The following DYNC2I2 variants were observed in gnomAD, a reference collection of about 807,000 sequenced individuals.
DYNC2I2 encodes the protein cytoplasmic dynein 2 intermediate chain 2.
A neutral mutation model predicts 52.0 loss-of-function variants in DYNC2I2; 39 were observed. The observed-to-expected ratio is 0.75, with a 90% confidence interval of 0.58 to 0.98. The LOEUF is 0.98. DYNC2I2 is among the 50% of genes least tolerant of loss of function. The pLI is 0.00. For missense variants in DYNC2I2, 743 were observed against 728.4 expected (o/e 1.02, Z -0.23); for synonymous variants, 359 against 321.1 (o/e 1.12, Z -1.26).
In DYNC2I2 at chr9:128,640,680, C is replaced by A. The variant is rs202171371; in HGVS notation, c.435+11G>T. ...GGGCTCGACCCGAGGCTGCACCAGCCCATCCCCTACCATCTGCTGCTGCTC... is the reference window on the plus strand; with the variant it reads ...GGGCTCGACCCGAGGCTGCACCAGCACATCCCCTACCATCTGCTGCTGCTC... On this transcript the variant is annotated intron_variant, in intron 2 of 8. Transcript: ENST00000372715. 6.2e-7 allele frequency: 1 copy of A among 1,611,854 alleles called. No individual in the cohort carries two copies. Among genetic ancestry groups the A allele is most frequent in the Non-Finnish European group, 8.5e-7 (1 of 1,178,528 alleles).
At chr9:128,661,973 TGGA>T in the DYNC2I2 span, among the ~76,000 whole-genome samples, 4 of 146,456 alleles carry the variant, frequency 2.7e-5, no homozygotes, top group Non-Finnish European at 6.0e-5. Context: ...ACCTGGGAGG[TGGA>T]GGTTGCTGTG....
At chr9:128,635,410 G>A (rs576980124) in intron 5 of DYNC2I2, 151 bp from the exon 6 acceptor site, 2 of 996,018 alleles carry the variant, frequency 2.0e-6, no homozygotes, top group South Asian at 3.4e-5. Context: ...CAGGCCTGGA[G>A]GGTTCCCAGG....
chr9:128,679,719 T>C, the DYNC2I2 span, among the ~76,000 whole-genome samples: 3 of 150,756 alleles, frequency 2.0e-5, no homozygotes, highest in Non-Finnish European at 3.0e-5. Context: ...CGATCTCAGC[T>C]CACTGAGGCC....
At chr9:128,646,594 G>T (rs1475011016) in intron 1 of DYNC2I2, among the ~76,000 whole-genome samples, 1 of 152,222 alleles carries the variant, frequency 6.6e-6, no homozygotes, top group Non-Finnish European at 1.5e-5. Flanking sequence ...AAAGCTTCGA[G>T]AGACAGGCTG....
At chr9:128,643,831 G>T (rs1214186442) in intron 1 of DYNC2I2, among the ~76,000 whole-genome samples, 1 of 152,190 alleles carries the variant, frequency 6.6e-6, no homozygotes, top group Non-Finnish European at 1.5e-5. Flanking sequence ...GTTCTGTGGG[G>T]CCTGCTTTGG....
chr9:128,660,603 GC>G (rs537325106), upstream of DYNC2I2, among the ~76,000 whole-genome samples: 889 of 152,012 alleles, frequency 5.8e-3, 3 homozygotes, highest in Non-Finnish European at 0.01. Flanking sequence ...CACCATGTTA[GC>G]CAGGATGGTC....
rs151102131 is a variant in DYNC2I2 at position 128,636,429 on chromosome 9, A to G, written c.555T>C (p.His185=). 3.7e-5 allele frequency: 60 copies of G among 1,604,478 alleles called. No individual in the cohort carries two copies. Among genetic ancestry groups the G allele is most frequent in the Non-Finnish European group, 5.0e-5 (59 of 1,177,862 alleles). Residue 185 remains histidine, a synonymous_variant, in exon 4 of 9, where the codon CAT becomes CAC. Transcript: ENST00000372715. Reference sequence around the variant, plus strand: ...AGGACTTAAGCGTGCTCCAGTCCCCATGGTCCAGCCTGTGCAGGGACAGGC... The same window carrying G: ...AGGACTTAAGCGTGCTCCAGTCCCCGTGGTCCAGCCTGTGCAGGGACAGGC... ...VVACAYGRLD[H]GDWSTLKSFV... is the part of the protein sequence containing the mutation.
intron 1 of DYNC2I2, among the ~76,000 whole-genome samples, chr9:128,642,015 C>T (rs936890393): frequency 4.6e-5 from 7 of 151,872 alleles, no homozygotes; most frequent in Admixed American, 3.3e-4. Context: ...ATGCCGGGCA[C>T]GGTGGCTCAC....
chr9:128,647,610 C>T (rs887981794), intron 1 of DYNC2I2, among the ~76,000 whole-genome samples: 1 of 151,950 alleles, frequency 6.6e-6, no homozygotes, highest in African/African-American at 2.4e-5. Flanking sequence ...TGGCATGCAC[C>T]TGTAATCCCA....
intron 5 of DYNC2I2, 160 bp downstream of exon 5, chr9:128,635,498 G>T: frequency 1.3e-6 from 1 of 798,934 alleles, no homozygotes. Context: ...CAGGGCCCTG[G>T]GAGTGGCTCC....
rs771698294 is a variant in DYNC2I2, at chr9:128,636,984, T to C, written c.479A>G (p.Gln160Arg). Residue 160 changes from glutamine (Q) to arginine (R), a missense_variant, in exon 3 of 9, where the codon CAG (glutamine) becomes CGG (arginine). Gln to Arg is a conservative substitution (Grantham distance 43). Coordinates refer to ENST00000372715, the MANE Select transcript of DYNC2I2 (RefSeq NM_052844.4). The part of the protein sequence containing the change: ...YTLGYPPAQA[Q>R]GLHVTSISWN... ...GGAGATGCTGGTCACATGCAGACCC[T>C]GCGCTTGGGCTGGCGGGTAGCCCAG... 4.3e-6 allele frequency: 7 copies of C among 1,613,348 alleles called. No individual in the cohort carries two copies. Among genetic ancestry groups the C allele is most frequent in the Middle Eastern group, 1.6e-4 (1 of 6,084 alleles).
At chr9:128,662,650 G>A in the DYNC2I2 span, among the ~76,000 whole-genome samples, 1 of 151,920 alleles carries the variant, frequency 6.6e-6, no homozygotes, top group African/African-American at 2.4e-5. Flanking sequence ...CACGATCTTG[G>A]CTCACTGCAA....
At chr9:128,648,815 AG>A (rs1335995106) in intron 1 of DYNC2I2, among the ~76,000 whole-genome samples, 8 of 90,290 alleles carry the variant, frequency 8.9e-5, no homozygotes, top group African/African-American at 2.1e-4. Context: ...AAAAAAAAAG[AG>A]AGAGAGAATC....
At chr9:128,636,717 G>T (rs759635235) in intron 3 of DYNC2I2, among the ~76,000 whole-genome samples, 5 of 152,160 alleles carry the variant, frequency 3.3e-5, no homozygotes, top group Admixed American at 2.6e-4. Context: ...CTCCAGGCAG[G>T]GGGGAGGGTG....
chr9:128,646,922 C>T (rs1271888746), intron 1 of DYNC2I2, among the ~76,000 whole-genome samples: 3 of 152,050 alleles, frequency 2.0e-5, no homozygotes, highest in Admixed American at 1.3e-4. Context: ...GACAGGAGTT[C>T]GAGACCAACC....
intron 1 of DYNC2I2, among the ~76,000 whole-genome samples, chr9:128,643,901 G>A (rs1860564383): frequency 6.6e-6 from 1 of 152,142 alleles, no homozygotes; most frequent in African/African-American, 2.4e-5. Flanking sequence ...AGGTCACAAA[G>A]CTCTGGAGAG....
At chr9:128,683,777 C>A in the DYNC2I2 span, 4 of 796,854 alleles carry the variant, frequency 5.0e-6, no homozygotes, top group East Asian at 1.1e-4. Flanking sequence ...ATATCCCTTC[C>A]AGGCAGGGCG....
the DYNC2I2 span, chr9:128,684,051 C>T: frequency 1.2e-4 from 176 of 1,422,064 alleles, no homozygotes; most frequent in Non-Finnish European, 1.6e-4. Flanking sequence ...AAGGGATTTG[C>T]AAGGATTGAC....
intron 3 of DYNC2I2, 37 bp from the exon 4 acceptor site, chr9:128,636,475 G>A: frequency 6.4e-7 from 1 of 1,567,096 alleles, no homozygotes; most frequent in Non-Finnish European, 8.6e-7. Flanking sequence ...TGTGCCCCTG[G>A]GTGGGGCTCC....
Sources: allele counts gnomAD v4.1 joint callset (sites outside exome capture counted in the v4.1 genomes callset), GRCh38; gene constraint gnomAD v4.1.1; transcripts MANE v1.5; gene names NCBI Gene and HGNC (gene_info 2026-07-23, HGNC 2026-07-21).